The following RAPGEF5 variants were observed in gnomAD, a reference collection of about 807,000 sequenced individuals.
The protein encoded by RAPGEF5 is Rap guanine nucleotide exchange factor 5.
Under a neutral mutation model 125.2 loss-of-function variants are expected in RAPGEF5, and 65 were observed. That is an observed-to-expected ratio of 0.52 (90% confidence interval 0.43 to 0.64). The LOEUF is 0.64. RAPGEF5 is among the 30% of genes least tolerant of loss of function. The pLI is 0.00. For missense variants in RAPGEF5, 958 were observed against 1,048.1 expected (o/e 0.91, Z 1.19); for synonymous variants, 391 against 385.9 (o/e 1.01, Z -0.16).
At chr7:22,307,971 T>C (rs962143846) in intron 5 of RAPGEF5, among the ~76,000 whole-genome samples, 2 of 152,192 alleles carry the variant, frequency 1.3e-5, no homozygotes, top group African/African-American at 4.8e-5. Context: ...AGAAACATTC[T>C]GTTGAGCTCT....
intron 1 of RAPGEF5, among the ~76,000 whole-genome samples, chr7:22,354,723 G>A (rs7778401): frequency 0.51 from 77,344 of 151,860 alleles, 20,596 homozygotes; most frequent in Non-Finnish European, 0.58. Flanking sequence ...CTTCCTCTGC[G>A]TTTACCAAGG....
chr7:22,318,546 C>T (rs1470270263), intron 1 of RAPGEF5, among the ~76,000 whole-genome samples: 1 of 152,150 alleles, frequency 6.6e-6, no homozygotes, highest in African/African-American at 2.4e-5. Flanking sequence ...TTAATCCATG[C>T]CCCCTCAGCT....
chr7:22,245,931 A>G (rs777302343), intron 7 of RAPGEF5, among the ~76,000 whole-genome samples: 4 of 152,164 alleles, frequency 2.6e-5, no homozygotes, highest in Non-Finnish European at 4.4e-5. Flanking sequence ...TCTATACACC[A>G]ATAATGTTCA....
At chr7:22,292,206 A>T (rs1782951461) in intron 5 of RAPGEF5, among the ~76,000 whole-genome samples, 1 of 152,188 alleles carries the variant, frequency 6.6e-6, no homozygotes, top group Non-Finnish European at 1.5e-5. Flanking sequence ...CGCCAGCCTT[A>T]TGGGGCAGGA....
chr7:22,140,810 G>C (rs1282529967), intron 20 of RAPGEF5, among the ~76,000 whole-genome samples: 1 of 152,158 alleles, frequency 6.6e-6, no homozygotes, highest in Non-Finnish European at 1.5e-5. Flanking sequence ...TGGAATGGCA[G>C]GGGGAGCTCG....
chr7:22,340,527 C>T (rs1258500528), intron 1 of RAPGEF5, among the ~76,000 whole-genome samples: 1 of 152,194 alleles, frequency 6.6e-6, no homozygotes, highest in African/African-American at 2.4e-5. Context: ...GGAGAACATT[C>T]ACTCTAGACT....
At position 22,310,104 on chromosome 7, in the gene RAPGEF5, A is replaced by T; in HGVS notation, c.390-14T>A. Reference sequence around the variant, plus strand: ...ACGCAGCTCCTCCTGAACAAAAGCAAAGCCATTCACAGTAAGATATTGCTG... The same window carrying T: ...ACGCAGCTCCTCCTGAACAAAAGCATAGCCATTCACAGTAAGATATTGCTG... On this transcript the variant is annotated splice_polypyrimidine_tract_variant and intron_variant, in intron 3 of 25. Coordinates refer to ENST00000665637, the MANE Select transcript of RAPGEF5 (RefSeq NM_012294.5). The T allele has an allele frequency of 1.3e-6, 2 of 1,538,880 alleles. No individual in the cohort carries two copies. Among genetic ancestry groups the T allele is most frequent in the Non-Finnish European group, 8.7e-7 (1 of 1,149,478 alleles).
chr7:22,193,578 G>T, intron 10 of RAPGEF5, 123 bp from the exon 11 acceptor site: 8 of 1,551,482 alleles, frequency 5.2e-6, no homozygotes, highest in Non-Finnish European at 7.0e-6. Context: ...AGGTAGGCAA[G>T]GGCAGCTCTC....
intron 5 of RAPGEF5, among the ~76,000 whole-genome samples, chr7:22,291,818 TTAAATAAC>T (rs1251988273): frequency 1.3e-5 from 2 of 152,226 alleles, no homozygotes; most frequent in Non-Finnish European, 2.9e-5. Context: ...TATGCACGTG[TTAAATAAC>T]TAATGAGATG....
intron 7 of RAPGEF5, among the ~76,000 whole-genome samples, chr7:22,232,160 AATC>A (rs1786073864): frequency 6.6e-6 from 1 of 152,204 alleles, no homozygotes; most frequent in South Asian, 2.1e-4. Context: ...AAGGAGAAGC[AATC>A]AAGGATGACT....
intron 9 of RAPGEF5, among the ~76,000 whole-genome samples, chr7:22,195,662 T>A (rs139145308): frequency 2.1e-4 from 32 of 152,138 alleles, no homozygotes; most frequent in African/African-American, 7.2e-4. Flanking sequence ...GGTTCCTTTG[T>A]TATCTATGTG....
chr7:22,230,499 C>T (rs1786030271), intron 8 of RAPGEF5, among the ~76,000 whole-genome samples: 1 of 152,156 alleles, frequency 6.6e-6, no homozygotes, highest in Non-Finnish European at 1.5e-5. Context: ...GATTTAGCTA[C>T]TGGGAGGTAG....
intron 6 of RAPGEF5, among the ~76,000 whole-genome samples, chr7:22,285,588 C>A (rs893770094): frequency 7.9e-5 from 12 of 152,104 alleles, no homozygotes; most frequent in Non-Finnish European, 2.9e-5. Flanking sequence ...TATATCAAAT[C>A]CAAATTGTAG....
chr7:22,299,954 G>A (rs1354692518), intron 5 of RAPGEF5, among the ~76,000 whole-genome samples: 1 of 152,116 alleles, frequency 6.6e-6, no homozygotes, highest in Non-Finnish European at 1.5e-5. Context: ...AAGTATCTAG[G>A]AGTGTGTTTC....
intron 7 of RAPGEF5, among the ~76,000 whole-genome samples, chr7:22,242,339 GT>G (rs1786351861): frequency 6.6e-6 from 1 of 152,234 alleles, no homozygotes; most frequent in Non-Finnish European, 1.5e-5. Flanking sequence ...GCACTTAGCA[GT>G]TTCCACATGC....
intron 7 of RAPGEF5, among the ~76,000 whole-genome samples, chr7:22,236,858 T>C (rs1786204219): frequency 6.6e-6 from 1 of 152,204 alleles, no homozygotes; most frequent in South Asian, 2.1e-4. Flanking sequence ...TCTGATGCCA[T>C]GGGACTTAGC....
chr7:22,332,950 T>C (rs183740375), intron 1 of RAPGEF5, among the ~76,000 whole-genome samples: 5 of 152,274 alleles, frequency 3.3e-5, no homozygotes, highest in African/African-American at 1.2e-4. Context: ...CAACCCACTG[T>C]AAGGAGTATA....
At chr7:22,309,930 T>A in intron 4 of RAPGEF5, 39 bp downstream of exon 4, 1 of 1,529,344 alleles carries the variant, frequency 6.5e-7, no homozygotes, top group Non-Finnish European at 8.7e-7. Flanking sequence ...GATAGCTTAA[T>A]AAAATAATGA....
At chr7:22,142,951 A>T (rs1425821239) in intron 20 of RAPGEF5, among the ~76,000 whole-genome samples, 1 of 152,236 alleles carries the variant, frequency 6.6e-6, no homozygotes, top group Non-Finnish European at 1.5e-5. Flanking sequence ...TGGGTTAGGG[A>T]TAGAGACCAC....
Sources: gnomAD v4.1 joint callset for allele counts (sites outside exome capture counted in the v4.1 genomes callset) on GRCh38, gnomAD v4.1.1 for gene constraint, MANE v1.5 for transcripts, NCBI Gene and HGNC (gene_info 2026-07-23, HGNC 2026-07-21) for gene names.